The following SLC24A4 variants were observed in gnomAD, a reference collection of about 807,000 sequenced individuals.
SLC24A4 encodes solute carrier family 24 member 4, also known as sodium/potassium/calcium exchanger 4.
A neutral mutation model predicts 79.0 loss-of-function variants in SLC24A4; 53 were observed. The observed-to-expected ratio is 0.67, with a 90% CI of 0.54 to 0.84. SLC24A4 has a LOEUF of 0.84. SLC24A4 is among the 40% of genes least tolerant of loss of function. The pLI, the probability that SLC24A4 is intolerant of heterozygous loss-of-function variation, is 0.00. For synonymous variants in SLC24A4, 323 were observed against 323.8 expected (o/e 1.00, Z 0.03); for missense variants, 731 against 822.0 (o/e 0.89, Z 1.35).
rs553960108 is a variant in SLC24A4 at position 92,406,488 on chromosome 14, A to G, written c.242-27424A>G. 1.1e-4 allele frequency among the ~76,000 whole-genome samples: 16 copies of G among 152,170 alleles called. No individual in the cohort carries two copies. In the South Asian group the frequency reaches 3.3e-3, roughly 32 times the overall value. ...AGTAGAGGTTCTCCATGAGGGCTCTACCCCTGCAGCCGACTTCTGCCTGGA... is the reference window on the plus strand; with the variant it reads ...AGTAGAGGTTCTCCATGAGGGCTCTGCCCCTGCAGCCGACTTCTGCCTGGA... On this transcript the variant is annotated intron_variant, in intron 2 of 16. Coordinates refer to ENST00000532405, the MANE Select transcript of SLC24A4 (RefSeq NM_153646.4).
chr14:92,469,980 T>A (rs1894348207), intron 12 of SLC24A4, among the ~76,000 whole-genome samples: 1 of 152,224 alleles, frequency 6.6e-6, no homozygotes, highest in African/African-American at 2.4e-5. Flanking sequence ...TGGAATTATA[T>A]AGTGGTCATA....
rs151155871 is a variant in SLC24A4, at chr14:92,334,673, C to T, written c.241+8695C>T. On this transcript the variant is annotated intron_variant, in intron 2 of 16. Coordinates refer to ENST00000532405, the MANE Select transcript of SLC24A4 (RefSeq NM_153646.4). ...GGTAGTTGGACATGGTGAAGGCAGA[C>T]GTGAGGGTTTGAGTCCCAGCTCACC... Among the ~76,000 whole-genome samples the T allele has an allele frequency of 9.9e-5, 15 of 152,212 alleles. No homozygotes were observed. In the East Asian group the frequency reaches 2.7e-3, roughly 27 times the overall value.
At position 92,493,348 on chromosome 14, in the gene SLC24A4, A is replaced by T. The variant is rs948235980; in HGVS notation, c.1717-128A>T. ...GTCAAACTGAGGATCAGACTGCAGCACCCCGCTACACTTGCCCACATTCTG... is the reference window on the plus strand; with the variant it reads ...GTCAAACTGAGGATCAGACTGCAGCTCCCCGCTACACTTGCCCACATTCTG... On this transcript the variant is annotated intron_variant, in intron 16 of 16. Transcript: ENST00000532405. The T allele has an allele frequency of 6.3e-6, 7 of 1,108,700 alleles. No homozygotes were observed. The Admixed American group carries it at 1.7e-4, about 27-fold the overall frequency. The allele number at this position is 1,108,700 out of a possible 1,614,324, so 68.7% of individuals were successfully genotyped here. A position where few individuals can be genotyped will look rare whatever the true frequency, so the allele number is the denominator to read the frequency against.
At position 92,323,973 on chromosome 14, in the gene SLC24A4, A is replaced by G. The variant is rs773932826; in HGVS notation, c.130+13A>G. The G allele has an allele frequency of 5.6e-6, 9 of 1,607,676 alleles. No individual in the cohort carries two copies. In the South Asian group the frequency reaches 7.7e-5, roughly 14 times the overall value. ...TTCGGCAGCTTGGGTGGGTGCTGGT[A>G]CGGGTCCCCTCTTCCTGGGGAGTTG... On this transcript the variant is annotated intron_variant, in intron 1 of 16. Coordinates refer to ENST00000532405, the MANE Select transcript of SLC24A4 (RefSeq NM_153646.4). This position sits in a 1 kb window ranked among gnomAD's most constrained non-coding sequence, Gnocchi z 4.9.
chr14:92,491,697 G>A lies in SLC24A4; in HGVS notation c.1570G>A (p.Gly524Arg). The change falls in exon 15 of 17, where the codon GGA becomes AGA. Residue 524 changes from glycine (G) to arginine (R), a missense_variant. By Grantham distance (125) the Gly-to-Arg change is moderately radical. Coordinates refer to ENST00000532405, the MANE Select transcript of SLC24A4 (RefSeq NM_153646.4). The stretch of plus-strand genomic sequence containing the variant: ...GGACATGGCAGTCTCCAACACCATA[G>A]GAAGCAACGTGTTTGACATCCTGGT... ...LGDMAVSNTIGSNVFDILVGL... is the reference protein window; with the variant it reads ...LGDMAVSNTIRSNVFDILVGL... 1 of 1,614,002 alleles carries A rather than the reference G, an allele frequency of 6.2e-7. No homozygotes were observed.
Position 92,456,300 on chromosome 14 carries a change from T to C in SLC24A4, c.1051-104T>C, listed in dbSNP as rs866777147. ...AAACCTGTCCCCAGGGTTGTTGTTCTAGGCACCTGTAAGAGCAGGGTGCGT... is the reference window on the plus strand; with the variant it reads ...AAACCTGTCCCCAGGGTTGTTGTTCCAGGCACCTGTAAGAGCAGGGTGCGT... On this transcript the variant is annotated intron_variant, in intron 11 of 16. Coordinates refer to ENST00000532405, the MANE Select transcript of SLC24A4 (RefSeq NM_153646.4). The C allele has an allele frequency of 4.3e-6, 5 of 1,161,804 alleles. No individual in the cohort carries two copies. In the Middle Eastern group the frequency reaches 8.3e-4, roughly 193 times the overall value. 72.0% of individuals were successfully genotyped at this position (1,161,804 alleles called of 1,614,324 possible).
intron 12 of SLC24A4, among the ~76,000 whole-genome samples, chr14:92,477,093 T>C (rs1894806063): frequency 6.6e-6 from 1 of 152,206 alleles, no homozygotes; most frequent in African/African-American, 2.4e-5. Flanking sequence ...GTCAAACTCT[T>C]TGAGAAACTG....
rs958891786 is a variant in SLC24A4, at chr14:92,456,622, G to A, written c.1255+14G>A. 5 of 1,611,046 alleles carry A rather than the reference G, an allele frequency of 3.1e-6. No homozygotes were observed. Among genetic ancestry groups the A allele is most frequent in the South Asian group, 1.1e-5 (1 of 90,950 alleles). Reference sequence around the variant, plus strand: ...TCTCCGTGCCGGGTGAGTTCTGGGGGTACTGGACTCTCGGGCTACATTTTT... The same window carrying A: ...TCTCCGTGCCGGGTGAGTTCTGGGGATACTGGACTCTCGGGCTACATTTTT... On this transcript the variant is annotated intron_variant, in intron 12 of 16. Transcript: ENST00000532405.
chr14:92,343,700 CCTTT>C (rs1342013333), intron 2 of SLC24A4, among the ~76,000 whole-genome samples: 122 of 130,742 alleles, frequency 9.3e-4, no homozygotes, highest in African/African-American at 3.8e-3. Flanking sequence ...TTCCTTCCTT[CCTTT>C]CTTTCTTTCT....
chr14:92,437,740 G>A (rs984640527), intron 3 of SLC24A4, among the ~76,000 whole-genome samples: 3 of 152,092 alleles, frequency 2.0e-5, no homozygotes, highest in African/African-American at 2.4e-5. Context: ...TGGGCAGTTC[G>A]TCACTTTAGT....
chr14:92,486,669 A>G lies in SLC24A4; in HGVS notation c.1426A>G (p.Thr476Ala). 1 of 1,609,130 alleles carries G rather than the reference A, an allele frequency of 6.2e-7. No individual in the cohort carries two copies. The highest frequency in any genetic ancestry group is 8.5e-7 in the Non-Finnish European group (1 of 1,175,452). ...VFSYIMVWLV[T>A]IIGYTLGIPD... ...GTCTCCACCCCACATTCTGCAGGTG[A>G]CTATTATCGGATACACACTTGGGAT... is the stretch of plus-strand genomic sequence containing the variant. Residue 476 changes from threonine to alanine, a missense_variant, in exon 14 of 17, where the codon ACT becomes GCT. Transcript: ENST00000532405.
chr14:92,323,748 C>CCCAGCG lies in SLC24A4; in HGVS notation c.-80_-75dup, dbSNP rs1429379250. The CCCAGCG allele has an allele frequency of 6.8e-7, 1 of 1,476,484 alleles. No individual in the cohort carries two copies. The highest frequency in any genetic ancestry group is 9.0e-7 in the Non-Finnish European group (1 of 1,112,742). The allele number at this position is 1,476,484 out of a possible 1,614,324, so 91.5% of individuals were successfully genotyped here. A position where few individuals can be genotyped will look rare whatever the true frequency, so the allele number is the denominator to read the frequency against. Reference sequence around the variant, plus strand: ...TGAGTCGCGCACCGCCTGCTCCAGCCCCAGCGCCGCTCGGCCACTGATTGC... The same window carrying CCCAGCG: ...TGAGTCGCGCACCGCCTGCTCCAGCCCCAGCGCCAGCGCCGCTCGGCCACTGATTGC... On this transcript the variant is annotated 5_prime_UTR_variant, in exon 1 of 17. Coordinates refer to ENST00000532405, the MANE Select transcript of SLC24A4 (RefSeq NM_153646.4). The surrounding 1 kb of genome is among the most constrained non-coding windows in gnomAD (Gnocchi z 4.9).
chr14:92,380,973 G>C (rs936938959), intron 2 of SLC24A4, among the ~76,000 whole-genome samples: 1 of 152,186 alleles, frequency 6.6e-6, no homozygotes, highest in Non-Finnish European at 1.5e-5. Flanking sequence ...GAACAGCCCT[G>C]GGAGGGTGTG....
At chr14:92,330,772 A>G (rs568754567) in intron 2 of SLC24A4, among the ~76,000 whole-genome samples, 1 of 152,190 alleles carries the variant, frequency 6.6e-6, no homozygotes, top group Admixed American at 6.5e-5. Context: ...CTCCTCTTAT[A>G]AGGGGGCTCA....
At chr14:92,354,747 C>T (rs977067614) in intron 2 of SLC24A4, among the ~76,000 whole-genome samples, 8 of 152,046 alleles carry the variant, frequency 5.3e-5, no homozygotes, top group Non-Finnish European at 1.0e-4. Context: ...TTTTGGCTCC[C>T]AGAGCACACT....
At chr14:92,361,772 G>A (rs554506362) in intron 2 of SLC24A4, among the ~76,000 whole-genome samples, 4 of 152,200 alleles carry the variant, frequency 2.6e-5, no homozygotes, top group East Asian at 1.9e-4. Flanking sequence ...GATGGTGGGC[G>A]CTGGTGTGGG....
intron 7 of SLC24A4, among the ~76,000 whole-genome samples, chr14:92,443,853 G>A (rs1156254324): frequency 5.9e-5 from 9 of 152,138 alleles, no homozygotes; most frequent in Admixed American, 5.9e-4. Flanking sequence ...GCGCTTGCAG[G>A]GTCACTCATG....
chr14:92,440,132 G>A (rs926484625), intron 4 of SLC24A4, among the ~76,000 whole-genome samples: 2 of 152,220 alleles, frequency 1.3e-5, no homozygotes, highest in Non-Finnish European at 2.9e-5. Flanking sequence ...GCTTCCCCGT[G>A]ACTTTCCCCC....
chr14:92,336,354 G>A (rs887226185), intron 2 of SLC24A4, among the ~76,000 whole-genome samples: 5 of 152,164 alleles, frequency 3.3e-5, no homozygotes, highest in African/African-American at 4.8e-5. Context: ...TAAAAGTGCC[G>A]GAATAATTTA....
Sources: allele counts gnomAD v4.1 joint callset (sites outside exome capture counted in the v4.1 genomes callset), GRCh38; gene constraint gnomAD v4.1.1; non-coding constraint Gnocchi (gnomAD v3.1); transcripts MANE v1.5; gene names NCBI Gene and HGNC (gene_info 2026-07-23, HGNC 2026-07-21).